Variants in ADAMTS3 observed in about 807,000 individuals in gnomAD.
ADAMTS3 encodes the protein A disintegrin and metalloproteinase with thrombospondin motifs 3.
ADAMTS3 carries 73 observed loss-of-function variants against 129.0 expected under a neutral mutation model. The observed-to-expected ratio is 0.57, with a 90% CI of 0.47 to 0.69. ADAMTS3 has a LOEUF of 0.69. Among genes scored for constraint, ADAMTS3 ranks in the 30% least tolerant of loss-of-function variants. The pLI, the probability that ADAMTS3 is intolerant of heterozygous loss-of-function variation, is 0.00. For synonymous variants in ADAMTS3, 477 were observed against 510.8 expected (o/e 0.93, Z 0.89); for missense variants, 1,457 against 1,514.5 (o/e 0.96, Z 0.63).
chr4:72,304,053 T>C lies in ADAMTS3; in HGVS notation c.2288A>G (p.Tyr763Cys), dbSNP rs1399517876. Reference sequence around the variant, plus strand: ...TTCCTCCCCTTTGCCATTTAAAATATAATGGCCTGTAGCCTGGTTCTTAAT... The same window carrying C: ...TTCCTCCCCTTTGCCATTTAAAATACAATGGCCTGTAGCCTGGTTCTTAAT... ...LAIKNQATGH[Y>C]ILNGKGEEAK... Residue 763 changes from tyrosine (Y) to cysteine (C), a missense_variant, in exon 17 of 22, where the codon TAT becomes TGT. Physicochemically the swap from Tyr to Cys is radical, Grantham distance 194. Transcript: ENST00000286657. 3.1e-6 allele frequency: 5 copies of C among 1,613,460 alleles called. No homozygotes were observed. Among genetic ancestry groups the C allele is most frequent in the Non-Finnish European group, 4.2e-6 (5 of 1,179,626 alleles).
At chr4:72,538,498 G>C (rs1444044000) in intron 3 of ADAMTS3, among the ~76,000 whole-genome samples, 3 of 149,428 alleles carry the variant, frequency 2.0e-5, no homozygotes, top group African/African-American at 7.4e-5. Flanking sequence ...AGAATAACAA[G>C]AGAAAAAAAA....
Position 72,291,021 on chromosome 4 carries a change from C to G in ADAMTS3, c.2765G>C (p.Gly922Ala), listed in dbSNP as rs1395542915. 1 of 1,614,016 alleles carries G rather than the reference C, an allele frequency of 6.2e-7. No homozygotes were observed. Among genetic ancestry groups the G allele is most frequent in the Non-Finnish European group, 8.5e-7 (1 of 1,179,954 alleles). Residue 922 changes from glycine to alanine, a missense_variant, in exon 20 of 22, where the codon GGA (glycine) becomes GCA (alanine). By Grantham distance (60) the Gly-to-Ala change is moderately conservative (BLOSUM62 0). Coordinates refer to ENST00000286657, the MANE Select transcript of ADAMTS3 (RefSeq NM_014243.3). ...AGTGCGAAGCTGATAGCCAGAACTT[C>G]CACAGGTTTTGGTGCAGTGTTCCCA... ...EEWEHCTKTC[G>A]SSGYQLRTVR...
chr4:72,412,922 T>C (rs1183985292), intron 4 of ADAMTS3, among the ~76,000 whole-genome samples: 1 of 152,064 alleles, frequency 6.6e-6, no homozygotes, highest in African/African-American at 2.4e-5. Flanking sequence ...GTTGATGCTA[T>C]TGAAATTGAC....
At chr4:72,418,610 T>G (rs1722368639) in intron 3 of ADAMTS3, among the ~76,000 whole-genome samples, 1 of 152,220 alleles carries the variant, frequency 6.6e-6, no homozygotes, top group African/African-American at 2.4e-5. Context: ...CTCATGGTAT[T>G]CACCATTTCC....
intron 4 of ADAMTS3, among the ~76,000 whole-genome samples, chr4:72,346,867 C>T (rs543708218): frequency 1.3e-5 from 2 of 152,178 alleles, no homozygotes; most frequent in South Asian, 4.1e-4. Flanking sequence ...CACTTTTCTC[C>T]TCTACACTTC....
intron 3 of ADAMTS3, among the ~76,000 whole-genome samples, chr4:72,487,870 A>G (rs910920841): frequency 2.6e-5 from 4 of 152,092 alleles, no homozygotes; most frequent in Non-Finnish European, 2.9e-5. Context: ...ATTATAATCA[A>G]AAAGAATTCT....
intron 3 of ADAMTS3, among the ~76,000 whole-genome samples, chr4:72,439,473 AT>A (rs904074905): frequency 3.3e-5 from 5 of 151,580 alleles, no homozygotes; most frequent in African/African-American, 9.7e-5. Flanking sequence ...CAGTTTCCTT[AT>A]TTTTTTCCTT....
intron 3 of ADAMTS3, among the ~76,000 whole-genome samples, chr4:72,520,531 G>A (rs571204868): frequency 3.1e-3 from 471 of 152,290 alleles, no homozygotes; most frequent in Admixed American, 6.4e-3. Context: ...TTACCTAAGC[G>A]AGCCTGGGCA....
At chr4:72,389,429 G>C (rs1721527613) in intron 4 of ADAMTS3, among the ~76,000 whole-genome samples, 1 of 151,592 alleles carries the variant, frequency 6.6e-6, no homozygotes, top group African/African-American at 2.4e-5. Flanking sequence ...GAAAAATATT[G>C]ATAGCTGTTT....
At chr4:72,515,017 A>T (rs1157197174) in intron 3 of ADAMTS3, among the ~76,000 whole-genome samples, 5 of 151,914 alleles carry the variant, frequency 3.3e-5, no homozygotes, top group Admixed American at 1.3e-4. Flanking sequence ...CCCAGAGTGT[A>T]ATATTCCCCT....
intron 2 of ADAMTS3, among the ~76,000 whole-genome samples, chr4:72,560,736 T>C (rs1472408231): frequency 6.6e-6 from 1 of 152,164 alleles, no homozygotes; most frequent in Non-Finnish European, 1.5e-5. Flanking sequence ...TAATACATGC[T>C]GAGCTTAATA....
At chr4:72,506,837 C>G (rs1429959066) in intron 3 of ADAMTS3, among the ~76,000 whole-genome samples, 1 of 152,176 alleles carries the variant, frequency 6.6e-6, no homozygotes, top group Non-Finnish European at 1.5e-5. Context: ...TTTCCCCCAC[C>G]AGGATCTGGG....
At chr4:72,494,144 T>C (rs1269249649) in intron 3 of ADAMTS3, among the ~76,000 whole-genome samples, 1 of 152,168 alleles carries the variant, frequency 6.6e-6, no homozygotes, top group Non-Finnish European at 1.5e-5. Context: ...TTTTCAGATA[T>C]TAATTCTTTA....
chr4:72,326,912 C>T (rs1238178204), intron 5 of ADAMTS3, among the ~76,000 whole-genome samples: 1 of 152,018 alleles, frequency 6.6e-6, no homozygotes, highest in Non-Finnish European at 1.5e-5. Context: ...AGTATGCATG[C>T]TTCAGAGGGG....
intron 2 of ADAMTS3, among the ~76,000 whole-genome samples, chr4:72,556,767 A>G (rs1721778470): frequency 6.6e-6 from 1 of 151,776 alleles, no homozygotes; most frequent in Non-Finnish European, 1.5e-5. Flanking sequence ...GACCAAATGA[A>G]GTGAAGTATA....
chr4:72,431,809 G>A (rs942160697), intron 3 of ADAMTS3, among the ~76,000 whole-genome samples: 7 of 151,820 alleles, frequency 4.6e-5, no homozygotes, highest in African/African-American at 1.7e-4. Flanking sequence ...GGGAAGAGGC[G>A]ATACATAAGA....
At chr4:72,316,059 G>A in intron 10 of ADAMTS3, 88 bp from the exon 11 acceptor site, 1 of 667,252 alleles carries the variant, frequency 1.5e-6, no homozygotes, top group Non-Finnish European at 2.4e-6. Context: ...CTTCTGTCCT[G>A]TTTCTTGGAT....
At chr4:72,489,490 A>G (rs1012540559) in intron 3 of ADAMTS3, among the ~76,000 whole-genome samples, 1 of 151,910 alleles carries the variant, frequency 6.6e-6, no homozygotes, top group African/African-American at 2.4e-5. Context: ...TGTCTATACT[A>G]CCCACTTGTT....
chr4:72,376,211 C>A (rs1721129179), intron 4 of ADAMTS3, among the ~76,000 whole-genome samples: 1 of 152,082 alleles, frequency 6.6e-6, no homozygotes, highest in Admixed American at 6.6e-5. Context: ...AATTTATGAA[C>A]AATGGGGATT....
Sources: gnomAD v4.1 joint callset for allele counts (sites outside exome capture counted in the v4.1 genomes callset) on GRCh38, gnomAD v4.1.1 for gene constraint, MANE v1.5 for transcripts, NCBI Gene and HGNC (gene_info 2026-07-23, HGNC 2026-07-21) for gene names.